Variants in ERP44 observed in about 807,000 individuals in gnomAD.
ERP44 encodes the protein endoplasmic reticulum resident protein 44.
Under a neutral mutation model 53.4 loss-of-function variants are expected in ERP44, and 25 were observed. The observed-to-expected ratio is 0.47, with a 90% CI of 0.34 to 0.65. The LOEUF (loss-of-function observed/expected upper bound fraction) is 0.65. Among genes scored for constraint, ERP44 ranks in the 30% least tolerant of loss-of-function variants. ERP44 has a pLI of 0.01. For missense variants in ERP44, 338 were observed against 493.2 expected, an observed-to-expected ratio of 0.69 and a Z score of 2.98; for synonymous variants, 145 against 161.2, an observed-to-expected ratio of 0.90 and a Z score of 0.76.
At chr9:99,988,939 C>T (rs1256757844) in intron 10 of ERP44, among the ~76,000 whole-genome samples, 1 of 152,214 alleles carries the variant, frequency 6.6e-6, no homozygotes, top group African/African-American at 2.4e-5. Context: ...CTAGCTAGCG[C>T]AGCAGTCCGA....
At chr9:99,991,989 G>GA (rs577006034) in intron 10 of ERP44, among the ~76,000 whole-genome samples, 38 of 152,228 alleles carry the variant, frequency 2.5e-4, no homozygotes, top group South Asian at 2.5e-3. Flanking sequence ...TCCCTGAATA[G>GA]ACCAATAACA....
intron 1 of ERP44, among the ~76,000 whole-genome samples, chr9:100,069,431 C>G (rs912910402): frequency 7.2e-5 from 11 of 152,080 alleles, no homozygotes; most frequent in Non-Finnish European, 1.6e-4. Flanking sequence ...AAACTACTTT[C>G]AGACATTAAT....
At chr9:100,030,662 T>G (rs1825776860) in intron 4 of ERP44, among the ~76,000 whole-genome samples, 1 of 152,204 alleles carries the variant, frequency 6.6e-6, no homozygotes, top group Non-Finnish European at 1.5e-5. Flanking sequence ...CCTTGTACTC[T>G]TCGCTGACAG....
intron 10 of ERP44, among the ~76,000 whole-genome samples, chr9:99,996,564 A>C (rs905789511): frequency 2.0e-5 from 3 of 152,070 alleles, no homozygotes; most frequent in African/African-American, 7.2e-5. Context: ...ATTGGGGTAC[A>C]GGTGGTATTT....
In ERP44 at chr9:100,059,155, T is replaced by C. The variant is rs555627574; in HGVS notation, c.130+945A>G. Reference sequence around the variant, plus strand: ...TTTAGCATTTAAAGGTCCAGGAACATAATATATTACACTCAATGAATGTTG... The same window carrying C: ...TTTAGCATTTAAAGGTCCAGGAACACAATATATTACACTCAATGAATGTTG... On this transcript the variant is annotated intron_variant, in intron 2 of 11. Coordinates refer to ENST00000262455, the MANE Select transcript of ERP44 (RefSeq NM_015051.3). Among the ~76,000 whole-genome samples the C allele has an allele frequency of 7.9e-5, 12 of 152,296 alleles. No homozygotes were observed. The South Asian group carries it at 2.3e-3, about 29-fold the overall frequency.
chr9:100,046,030 AAATC>A (rs1324626087), intron 4 of ERP44, among the ~76,000 whole-genome samples: 15 of 152,308 alleles, frequency 9.8e-5, no homozygotes, highest in African/African-American at 3.4e-4. Context: ...TCAATATAAA[AAATC>A]AATCTTATTT....
chr9:100,041,006 C>CA (rs1426848967), intron 4 of ERP44, among the ~76,000 whole-genome samples: 6 of 151,534 alleles, frequency 4.0e-5, no homozygotes, highest in Non-Finnish European at 8.8e-5. Flanking sequence ...CTGAAAGGGA[C>CA]AAAAAAAGGA....
intron 1 of ERP44, among the ~76,000 whole-genome samples, chr9:100,074,727 T>C (rs1021627316): frequency 2.0e-5 from 3 of 152,154 alleles, no homozygotes; most frequent in African/African-American, 4.8e-5. Context: ...ATCAGACATT[T>C]TGGGGACTAC....
At chr9:100,069,263 C>G (rs1325701007) in intron 1 of ERP44, among the ~76,000 whole-genome samples, 1 of 148,198 alleles carries the variant, frequency 6.7e-6, no homozygotes, top group East Asian at 2.0e-4. Context: ...TCCCCCTCTG[C>G]GAGAAACACC....
At chr9:100,051,248 C>G (rs918792736) in intron 4 of ERP44, among the ~76,000 whole-genome samples, 7 of 152,166 alleles carry the variant, frequency 4.6e-5, no homozygotes, top group African/African-American at 1.4e-4. Flanking sequence ...AATGTTTGAA[C>G]AGAAAAGAGC....
At chr9:100,019,006 ACT>A (rs1041397732) in intron 6 of ERP44, among the ~76,000 whole-genome samples, 2 of 151,976 alleles carry the variant, frequency 1.3e-5, no homozygotes, top group Non-Finnish European at 2.9e-5. Context: ...AACTATCAAA[ACT>A]CTCTCTCTCA....
At chr9:100,098,542 G>A (rs532033832) in intron 1 of ERP44, among the ~76,000 whole-genome samples, 1 of 152,194 alleles carries the variant, frequency 6.6e-6, no homozygotes, top group African/African-American at 2.4e-5. Flanking sequence ...CTCCTACGCC[G>A]TGACTACGTA....
At chr9:100,080,196 A>G (rs1158036473) in intron 1 of ERP44, among the ~76,000 whole-genome samples, 5 of 152,156 alleles carry the variant, frequency 3.3e-5, no homozygotes, top group Admixed American at 1.3e-4. Context: ...TCTCCTTAAC[A>G]GCATCCCCGG....
At position 100,020,719 on chromosome 9, in the gene ERP44, T is replaced by C; in HGVS notation, c.484A>G (p.Asn162Asp). 1 of 1,578,688 alleles carries C rather than the reference T, an allele frequency of 6.3e-7. No homozygotes were observed. Among genetic ancestry groups the C allele is most frequent in the Non-Finnish European group, 8.7e-7 (1 of 1,148,936 alleles). Residue 162 changes from asparagine (N) to aspartate (D), a missense_variant, in exon 6 of 12, where the codon AAT (asparagine) becomes GAT (aspartate). Physicochemically the swap from Asn to Asp is conservative, Grantham distance 23 (BLOSUM62 1). Around this residue, in one of 3 missense-constraint regions of ERP44, gnomAD observed 224 missense variants for 301.4 expected, o/e 0.74. Transcript: ENST00000262455. ...EITTLDRSKR[N>D]IIGYFEQKDS... The stretch of plus-strand genomic sequence containing the variant: ...TTTTGCTCAAAATATCCAATGATAT[T>C]TCTTTTGCTGCGCTGTAAAATAAAG...
chr9:100,037,618 T>C (rs569368291), intron 4 of ERP44, among the ~76,000 whole-genome samples: 1 of 152,130 alleles, frequency 6.6e-6, no homozygotes, highest in East Asian at 1.9e-4. Context: ...GAGGGAAGAA[T>C]GTTGAGGACT....
intron 1 of ERP44, among the ~76,000 whole-genome samples, chr9:100,079,851 T>C (rs1016903140): frequency 1.7e-4 from 26 of 151,910 alleles, no homozygotes; most frequent in African/African-American, 4.8e-4. Context: ...AGGAAAATCA[T>C]TGGAGCCCAG....
intron 1 of ERP44, among the ~76,000 whole-genome samples, chr9:100,082,900 G>A (rs1826442951): frequency 6.6e-6 from 1 of 152,024 alleles, no homozygotes; most frequent in Non-Finnish European, 1.5e-5. Flanking sequence ...TATTTCCAAT[G>A]AAACCACAAA....
At chr9:100,014,686 C>T (rs960360660) in intron 8 of ERP44, among the ~76,000 whole-genome samples, 3 of 152,184 alleles carry the variant, frequency 2.0e-5, no homozygotes, top group Non-Finnish European at 4.4e-5. Context: ...AACACAGCCA[C>T]GCTCATTTGT....
chr9:100,007,483 T>C, intron 9 of ERP44, 95 bp downstream of exon 9: 1 of 707,796 alleles, frequency 1.4e-6, no homozygotes, highest in Middle Eastern at 3.9e-4. Context: ...CAAATATGTT[T>C]ATGTGATTTG....
Sources: allele counts gnomAD v4.1 joint callset (sites outside exome capture counted in the v4.1 genomes callset), GRCh38; gene constraint gnomAD v4.1.1; regional missense constraint gnomAD v4.1.1; transcripts MANE v1.5; gene names NCBI Gene and HGNC (gene_info 2026-07-23, HGNC 2026-07-21).